The following EDRF1 variants were observed in gnomAD, a reference collection of about 807,000 sequenced individuals.
EDRF1 encodes the protein erythroid differentiation regulatory factor 1.
In EDRF1, 69 loss-of-function variants were observed where a neutral mutation model predicts 148.7. The ratio of observed to expected loss-of-function variants is 0.46; its 90% CI spans 0.38 to 0.57. The LOEUF is 0.57. EDRF1 is among the 20% of genes least tolerant of loss of function. The pLI is 0.00. For missense variants in EDRF1, 1,118 were observed against 1,478.7 expected (o/e 0.76, Z 4.00); for synonymous variants, 515 against 532.8 (o/e 0.97, Z 0.46).
chr10:125,725,250 G>A (rs1848200563), intron 4 of EDRF1, 68 bp from the exon 5 acceptor site: 1 of 1,585,122 alleles, frequency 6.3e-7, no homozygotes, highest in African/African-American at 1.3e-5. Context: ...TTTTCTGTAA[G>A]CTAGTACTAG....
intron 7 of EDRF1, 95 bp from the exon 8 acceptor site, chr10:125,729,263 T>A: frequency 6.5e-7 from 1 of 1,535,104 alleles, no homozygotes; most frequent in African/African-American, 1.4e-5. Context: ...TGACTTTGTC[T>A]TCTTTGTCTC....
In EDRF1 at chr10:125,745,934, A is replaced by G. The variant is rs376740077; in HGVS notation, c.2814+4A>G. The G allele has an allele frequency of 3.5e-5, 57 of 1,613,686 alleles. No homozygotes were observed. Among genetic ancestry groups the G allele is most frequent in the Non-Finnish European group, 4.5e-5 (53 of 1,179,892 alleles). On this transcript the variant is annotated splice_donor_region_variant and intron_variant, in intron 19 of 24. Coordinates refer to ENST00000356792, the MANE Select transcript of EDRF1 (RefSeq NM_001202438.2). ...AGAAGGCTTGTATTATAATAAGGTA[A>G]CACATTCGCGTACATGTTGGGCCTC...
chr10:125,753,828 A>G lies in EDRF1; in HGVS notation c.3528A>G (p.Ser1176=), dbSNP rs150588104. 3,210 of 1,613,014 alleles carry G rather than the reference A, an allele frequency of 2.0e-3. 14 individuals carry two copies. The highest frequency in any genetic ancestry group is 0.015 in the Middle Eastern group (76 of 5,194). ...TTCAGTCCATTAAACTGCTATCTTC[A>G]ACTAAAAAGAAAACAAGGTAAATTA... ...LLLQSIKLLS[S]TKKKTSNNIE... is the part of the protein sequence containing the mutation. The change falls in exon 24 of 25, where the codon TCA becomes TCG. Residue 1176 remains serine (S), a synonymous_variant. Transcript: ENST00000356792.
intron 18 of EDRF1, among the ~76,000 whole-genome samples, chr10:125,745,078 G>C (rs1288664017): frequency 1.3e-5 from 2 of 152,188 alleles, no homozygotes; most frequent in Non-Finnish European, 2.9e-5. Context: ...TAATGGGTGG[G>C]CCGTGCATAC....
chr10:125,725,581 A>C, intron 5 of EDRF1, 101 bp from the exon 6 acceptor site: 1 of 1,568,282 alleles, frequency 6.4e-7, no homozygotes, highest in Non-Finnish European at 8.7e-7. Context: ...TTTTTACAAG[A>C]TGTATGCTTA....
chr10:125,721,346 G>C lies in EDRF1; in HGVS notation c.251G>C (p.Ser84Thr). 6.2e-7 allele frequency: 1 copy of C among 1,614,200 alleles called. No individual in the cohort carries two copies. The highest frequency in any genetic ancestry group is 8.5e-7 in the Non-Finnish European group (1 of 1,180,030). Residue 84 changes from serine to threonine, a missense_variant, in exon 2 of 25, where the codon AGT becomes ACT. Ser to Thr is a moderately conservative substitution (Grantham distance 58). Transcript: ENST00000356792. ...CCACCTGCCAACTGGTTACGAGAGAGTGCCAAACTAGGGCCAGCAGGAACT... is the reference window on the plus strand; with the variant it reads ...CCACCTGCCAACTGGTTACGAGAGACTGCCAAACTAGGGCCAGCAGGAACT... The part of the protein sequence containing the change: ...KLPPANWLRE[S>T]AKLGPAGTTI...
At chr10:125,747,266 T>G in intron 19 of EDRF1, 1 of 454,024 alleles carries the variant, frequency 2.2e-6, no homozygotes, top group Non-Finnish European at 3.9e-6. Flanking sequence ...ATCATCATGC[T>G]CAGCCTGAGT....
At chr10:125,729,245 C>G (rs1848393635) in intron 7 of EDRF1, 113 bp from the exon 8 acceptor site, 9 of 1,482,132 alleles carry the variant, frequency 6.1e-6, no homozygotes, top group Non-Finnish European at 8.3e-6. Context: ...GATCTTAGCT[C>G]TGGGGCCTGA....
At chr10:125,754,586 C>T (rs1849804282) in intron 24 of EDRF1, among the ~76,000 whole-genome samples, 1 of 152,172 alleles carries the variant, frequency 6.6e-6, no homozygotes, top group Admixed American at 6.5e-5. Flanking sequence ...GAGAAGAGCG[C>T]ACACCTCCGC....
At chr10:125,747,819 A>G in intron 20 of EDRF1, 44 bp from the exon 21 acceptor site, 1 of 1,613,192 alleles carries the variant, frequency 6.2e-7, no homozygotes, top group Non-Finnish European at 8.5e-7. Flanking sequence ...TCCTACAGTC[A>G]GATTAGAAGC....
intron 24 of EDRF1, chr10:125,756,906 G>T: frequency 2.5e-6 from 1 of 405,280 alleles, no homozygotes; most frequent in Non-Finnish European, 4.8e-6. Context: ...CCAACTTCCT[G>T]GGCTCAAGCA....
intron 18 of EDRF1, among the ~76,000 whole-genome samples, chr10:125,744,463 C>T (rs1849229273): frequency 1.3e-5 from 2 of 152,304 alleles, no homozygotes; most frequent in Admixed American, 1.3e-4. Flanking sequence ...GGATTACAGG[C>T]ATGAGCCACT....
At chr10:125,750,271 C>G (rs1412981695) in intron 22 of EDRF1, among the ~76,000 whole-genome samples, 1 of 152,142 alleles carries the variant, frequency 6.6e-6, no homozygotes, top group Admixed American at 6.6e-5. Context: ...GATTGTGGTT[C>G]CAGAACAGAC....
rs1008645773 is a variant in EDRF1, at chr10:125,719,970, C to T, written c.108+55C>T. Reference sequence around the variant, plus strand: ...GGGATGTGGGAGCGGAGGACCCGCTCCACCGGGGAGGGATGCCACGGTTCC... The same window carrying T: ...GGGATGTGGGAGCGGAGGACCCGCTTCACCGGGGAGGGATGCCACGGTTCC... On this transcript the variant is annotated intron_variant, in intron 1 of 24. Transcript: ENST00000356792. 2.9e-5 allele frequency: 44 copies of T among 1,527,488 alleles called. 1 individual carries two copies. Among genetic ancestry groups the T allele is most frequent in the Middle Eastern group, 1.7e-4 (1 of 5,880 alleles). 94.6% of individuals were successfully genotyped at this position (1,527,488 alleles called of 1,614,324 possible).
At chr10:125,743,001 T>TACTGAGGAAGAAGGAATCAC in intron 17 of EDRF1, 57 bp from the exon 18 acceptor site, 1 of 1,595,402 alleles carries the variant, frequency 6.3e-7, no homozygotes, top group Non-Finnish European at 8.5e-7. Flanking sequence ...TTCATTTGGA[T>TACTGAGGAAGAAGGAATCAC]ACTGAGGAAG....
chr10:125,751,666 A>AC (rs1849648068), intron 22 of EDRF1, among the ~76,000 whole-genome samples: 1 of 152,216 alleles, frequency 6.6e-6, no homozygotes, highest in African/African-American at 2.4e-5. Flanking sequence ...CCCCAAGACC[A>AC]TTGTCACTTC....
chr10:125,733,817 C>T, intron 11 of EDRF1, 74 bp downstream of exon 11: 2 of 1,368,536 alleles, frequency 1.5e-6, no homozygotes, highest in East Asian at 4.7e-5. Flanking sequence ...TCACAGTTTC[C>T]AAACCAAGGC....
intron 24 of EDRF1, chr10:125,756,919 C>T (rs964306840): frequency 2.5e-6 from 1 of 398,992 alleles, no homozygotes; most frequent in South Asian, 1.9e-5. Flanking sequence ...CTCAAGCAAT[C>T]CCCCACCTCA....
chr10:125,759,896 G>C (rs971470841), intron 24 of EDRF1, among the ~76,000 whole-genome samples: 1 of 152,102 alleles, frequency 6.6e-6, no homozygotes, highest in Non-Finnish European at 1.5e-5. Context: ...ATTTTTAGTA[G>C]AGACGGGGTT....
Sources: gnomAD v4.1 joint callset for allele counts (sites outside exome capture counted in the v4.1 genomes callset) on GRCh38, gnomAD v4.1.1 for gene constraint, MANE v1.5 for transcripts, NCBI Gene and HGNC (gene_info 2026-07-23, HGNC 2026-07-21) for gene names.